The following SMG6 variants were observed in gnomAD, a reference collection of about 807,000 sequenced individuals.
SMG6 encodes telomerase-binding protein EST1A.
In SMG6, 66 loss-of-function variants were observed where a neutral mutation model predicts 142.2. The ratio of observed to expected loss-of-function variants is 0.46; its 90% CI spans 0.38 to 0.57. SMG6 has a LOEUF of 0.57. SMG6 is among the 20% of genes least tolerant of loss of function. The pLI, the probability that SMG6 is intolerant of heterozygous loss-of-function variation, is 0.00. For synonymous variants in SMG6, 779 were observed against 702.4 expected (o/e 1.11, Z -1.72); for missense variants, 1,793 against 1,832.0 (o/e 0.98, Z 0.39).
chr17:2,181,536 C>T (rs139391874), intron 12 of SMG6, among the ~76,000 whole-genome samples: 131 of 152,336 alleles, frequency 8.6e-4, no homozygotes, highest in Non-Finnish European at 1.2e-3. Flanking sequence ...ACTGGCTTCA[C>T]GAGAGAGTAA....
At chr17:2,121,646 TAG>T (rs1191636508) in intron 13 of SMG6, among the ~76,000 whole-genome samples, 2 of 104,310 alleles carry the variant, frequency 1.9e-5, no homozygotes, top group Admixed American at 1.0e-4. Flanking sequence ...TGTGTGTGTG[TAG>T]AGAGAGAGAG....
chr17:2,168,060 G>A (rs1426704085), intron 13 of SMG6, among the ~76,000 whole-genome samples: 1 of 152,032 alleles, frequency 6.6e-6, no homozygotes, highest in Non-Finnish European at 1.5e-5. Context: ...TAGGGACAAG[G>A]CCTCACTATG....
chr17:2,189,018 C>T (rs1178796087), intron 10 of SMG6, among the ~76,000 whole-genome samples: 1 of 152,204 alleles, frequency 6.6e-6, no homozygotes, highest in Non-Finnish European at 1.5e-5. Flanking sequence ...AACCTTTAGT[C>T]CCATCCTTAC....
At chr17:2,182,303 C>T (rs1250777902) in intron 12 of SMG6, among the ~76,000 whole-genome samples, 3 of 152,160 alleles carry the variant, frequency 2.0e-5, no homozygotes, top group East Asian at 1.9e-4. Flanking sequence ...CCAGCAGATC[C>T]GTCAGTTCCT....
chr17:2,075,080 G>A (rs1172785172), intron 15 of SMG6, among the ~76,000 whole-genome samples: 4 of 152,218 alleles, frequency 2.6e-5, no homozygotes, highest in East Asian at 1.9e-4. Flanking sequence ...TGACGTGAAC[G>A]TGCCCCCGGC....
Position 2,172,866 on chromosome 17 carries a change from G to A in SMG6, c.3156-7C>T, listed in dbSNP as rs757059507. ...CCATACATCCACAGCAACACTGTGAGAAATAAGGTAAGAAAAGAGCAGCTC... is the reference window on the plus strand; with the variant it reads ...CCATACATCCACAGCAACACTGTGAAAAATAAGGTAAGAAAAGAGCAGCTC... On this transcript the variant is annotated splice_polypyrimidine_tract_variant and splice_region_variant and intron_variant, in intron 12 of 18. Coordinates refer to ENST00000263073, the MANE Select transcript of SMG6 (RefSeq NM_017575.5). 6.2e-7 allele frequency: 1 copy of A among 1,613,384 alleles called. No individual in the cohort carries two copies. Among genetic ancestry groups the A allele is most frequent in the Middle Eastern group, 1.7e-4 (1 of 6,058 alleles).
At chr17:2,111,459 T>A (rs888881123) in intron 13 of SMG6, among the ~76,000 whole-genome samples, 2 of 152,176 alleles carry the variant, frequency 1.3e-5, no homozygotes, top group African/African-American at 4.8e-5. Flanking sequence ...TTGCCCAGGC[T>A]GCAGTACAGT....
intron 13 of SMG6, among the ~76,000 whole-genome samples, chr17:2,099,773 CCTT>C: frequency 6.6e-6 from 1 of 152,310 alleles, no homozygotes; most frequent in East Asian, 1.9e-4. Context: ...GTCAGTTCTC[CCTT>C]CTTCACATCT....
intron 15 of SMG6, among the ~76,000 whole-genome samples, chr17:2,070,563 T>A (rs912205758): frequency 2.0e-5 from 3 of 152,124 alleles, no homozygotes; most frequent in African/African-American, 7.2e-5. Flanking sequence ...CAGGTTTCAC[T>A]GACAATGACA....
chr17:2,290,866 C>T (rs927675058), intron 6 of SMG6, among the ~76,000 whole-genome samples: 1 of 152,136 alleles, frequency 6.6e-6, no homozygotes, highest in Non-Finnish European at 1.5e-5. Flanking sequence ...CGCTCAACAT[C>T]GTGTGTCATT....
intron 13 of SMG6, among the ~76,000 whole-genome samples, chr17:2,134,416 T>C (rs1467285478): frequency 4.9e-5 from 2 of 40,664 alleles, no homozygotes; most frequent in East Asian, 1.4e-3. Context: ...CGAGACTCCA[T>C]CTCAAAAAAA....
chr17:2,266,043 G>A (rs995796154), intron 8 of SMG6: 6 of 985,256 alleles, frequency 6.1e-6, no homozygotes, highest in Non-Finnish European at 7.2e-6. Flanking sequence ...CACTTTACCA[G>A]GAAGAGCACA....
At chr17:2,214,890 A>G (rs1172029431) in intron 10 of SMG6, among the ~76,000 whole-genome samples, 1 of 152,160 alleles carries the variant, frequency 6.6e-6, no homozygotes, top group Non-Finnish European at 1.5e-5. Flanking sequence ...CTGGAACATA[A>G]TATTTCACTG....
At chr17:2,281,732 T>C (rs746742797) in intron 8 of SMG6, among the ~76,000 whole-genome samples, 1 of 152,346 alleles carries the variant, frequency 6.6e-6, no homozygotes, top group East Asian at 1.9e-4. Context: ...TAATTTATCA[T>C]ATGACCCTTC....
intron 13 of SMG6, among the ~76,000 whole-genome samples, chr17:2,093,347 G>A (rs1040123551): frequency 5.3e-5 from 8 of 152,040 alleles, no homozygotes; most frequent in African/African-American, 1.2e-4. Flanking sequence ...TGCTTGAGCC[G>A]GGGAAGTCAG....
rs531601967 is a variant in SMG6, at chr17:2,221,297, G to C, written c.2869+15195C>G. On this transcript the variant is annotated intron_variant, in intron 10 of 18. Coordinates refer to ENST00000263073, the MANE Select transcript of SMG6 (RefSeq NM_017575.5). ...CACCATCCTCCTGGTGCTATCTCCT[G>C]ATGGAGCTCTCGGGACATCTGGTTG... Among the ~76,000 whole-genome samples, 9 of 152,248 alleles carry C rather than the reference G, an allele frequency of 5.9e-5. No homozygotes were observed. The East Asian group carries it at 1.5e-3, about 26-fold the overall frequency.
chr17:2,123,221 T>C (rs925226422), intron 13 of SMG6, among the ~76,000 whole-genome samples: 2 of 152,138 alleles, frequency 1.3e-5, no homozygotes, highest in Non-Finnish European at 2.9e-5. Flanking sequence ...GCCACACACA[T>C]AGGCTTGGTC....
rs975711110 is a variant in SMG6, at chr17:2,255,320, C to T, written c.2662-10601G>A. Among the ~76,000 whole-genome samples the T allele has an allele frequency of 2.9e-5, 4 of 139,696 alleles. No individual in the cohort carries two copies. In the South Asian group the frequency reaches 6.9e-4, roughly 24 times the overall value. 91.6% of individuals were successfully genotyped at this position (139,696 alleles called of 152,430 possible). A position where few individuals can be genotyped will look rare whatever the true frequency, so the allele number is the denominator to read the frequency against. On this transcript the variant is annotated intron_variant, in intron 8 of 18. Coordinates refer to ENST00000263073, the MANE Select transcript of SMG6 (RefSeq NM_017575.5). ...TCGGGAGGCTGAGGCAGGAGAATGGCGTGAACCCGGGAGGCGGAGCTTGCA... is the reference window on the plus strand; with the variant it reads ...TCGGGAGGCTGAGGCAGGAGAATGGTGTGAACCCGGGAGGCGGAGCTTGCA...
intron 6 of SMG6, among the ~76,000 whole-genome samples, chr17:2,286,859 T>C (rs1052554954): frequency 3.3e-5 from 5 of 150,594 alleles, no homozygotes; most frequent in African/African-American, 9.7e-5. Flanking sequence ...ATGTATCTAA[T>C]AAAGGTCTAG....
Sources: gnomAD v4.1 joint callset for allele counts (sites outside exome capture counted in the v4.1 genomes callset) on GRCh38, gnomAD v4.1.1 for gene constraint, MANE v1.5 for transcripts, NCBI Gene and HGNC (gene_info 2026-07-23, HGNC 2026-07-21) for gene names.